TMEM39B: variants seen among roughly 807,000 people sequenced by gnomAD.
The protein encoded by TMEM39B is transmembrane protein 39B.
TMEM39B carries 23 observed loss-of-function variants against 52.2 expected under a neutral mutation model. The ratio of observed to expected loss-of-function variants is 0.44; its 90% confidence interval spans 0.32 to 0.62. The LOEUF (loss-of-function observed/expected upper bound fraction) is 0.62, where lower values mean the gene tolerates loss of function less well. Among genes scored for constraint, TMEM39B ranks in the 20% least tolerant of loss-of-function variants. The pLI is 0.06. For missense variants in TMEM39B, 547 were observed against 642.0 expected, an observed-to-expected ratio of 0.85 and a Z score of 1.60; for synonymous variants, 285 against 264.0, an observed-to-expected ratio of 1.08 and a Z score of -0.77.
intron 1 of TMEM39B, chr1:32,073,282 C>T (rs925130581): frequency 2.7e-5 from 14 of 528,188 alleles, no homozygotes; most frequent in African/African-American, 4.0e-5. Context: ...CCTGTGGGGG[C>T]TTGGGCTTTC....
intron 6 of TMEM39B, 72 bp from the exon 7 acceptor site, chr1:32,094,712 A>G: frequency 6.5e-7 from 1 of 1,540,406 alleles, no homozygotes. Context: ...TCAGTCAGGT[A>G]GAATCAGGGA....
chr1:32,078,813 G>C (rs1207183186), intron 5 of TMEM39B, among the ~76,000 whole-genome samples: 1 of 152,014 alleles, frequency 6.6e-6, no homozygotes, highest in Non-Finnish European at 1.5e-5. Context: ...GCTACTTTTT[G>C]TATTTTTAGT....
At chr1:32,090,500 G>T (rs112336302) in intron 5 of TMEM39B, among the ~76,000 whole-genome samples, 44 of 152,164 alleles carry the variant, frequency 2.9e-4, no homozygotes, top group Non-Finnish European at 5.3e-4. Flanking sequence ...TGCCCGGCCA[G>T]AGTGCAGTGG....
At chr1:32,095,258 C>T (rs1640770831) in intron 7 of TMEM39B, among the ~76,000 whole-genome samples, 2 of 152,182 alleles carry the variant, frequency 1.3e-5, no homozygotes, top group South Asian at 4.1e-4. Flanking sequence ...CTTACTTGCT[C>T]ATGCTTCACT....
chr1:32,096,420 G>A (rs1294028426), intron 7 of TMEM39B, among the ~76,000 whole-genome samples: 1 of 146,020 alleles, frequency 6.8e-6, no homozygotes, highest in African/African-American at 2.6e-5. Context: ...CAGGGCCCTT[G>A]CCTGTCTAGC....
In TMEM39B at chr1:32,098,814, C is replaced by T. The variant is rs574838103; in HGVS notation, c.1116-1628C>T. On this transcript the variant is annotated intron_variant, in intron 7 of 8. Coordinates refer to ENST00000336294, the MANE Select transcript of TMEM39B (RefSeq NM_018056.4). Reference sequence around the variant, plus strand: ...TAGGGCCTCTCTGTGCCAGGCCTTGCGGCATGCTCTGAGGACACAGGGATG... The same window carrying T: ...TAGGGCCTCTCTGTGCCAGGCCTTGTGGCATGCTCTGAGGACACAGGGATG... 7.2e-5 allele frequency among the ~76,000 whole-genome samples: 11 copies of T among 152,204 alleles called. No homozygotes were observed. In the South Asian group the frequency reaches 2.1e-3, roughly 29 times the overall value.
chr1:32,097,131 T>C (rs1006110425), intron 7 of TMEM39B, among the ~76,000 whole-genome samples: 9 of 152,070 alleles, frequency 5.9e-5, no homozygotes, highest in African/African-American at 1.7e-4. Context: ...TACAATTCTT[T>C]CAGTTTTGAT....
chr1:32,094,808 T>C lies in TMEM39B; in HGVS notation c.952T>C (p.Trp318Arg), dbSNP rs1395117042. ...GAACACACATTACTATGACAAGCGC[T>C]GGTCCTGTGAACTCTTCCTGCTGGT... ...VKNTHYYDKR[W>R]SCELFLLVSI... is the part of the protein sequence containing the mutation. The change falls in exon 7 of 9, where the codon TGG becomes CGG. Residue 318 changes from tryptophan to arginine, a missense_variant. Trp to Arg is a moderately radical substitution (Grantham distance 101). Coordinates refer to ENST00000336294, the MANE Select transcript of TMEM39B (RefSeq NM_018056.4). 6.2e-7 allele frequency: 1 copy of C among 1,614,240 alleles called. No individual in the cohort carries two copies. The highest frequency in any genetic ancestry group is 8.5e-7 in the Non-Finnish European group (1 of 1,180,046).
rs769437601 is a variant in TMEM39B at position 32,091,983 on chromosome 1, T to C, written c.899T>C (p.Val300Ala). 3 of 1,614,008 alleles carry C rather than the reference T, an allele frequency of 1.9e-6. No individual in the cohort carries two copies. Among genetic ancestry groups the C allele is most frequent in the African/African-American group, 1.3e-5 (1 of 74,936 alleles). The change falls in exon 6 of 9, where the codon GTG (valine) becomes GCG (alanine). Residue 300 changes from valine to alanine, a missense_variant. Physicochemically the swap from Val to Ala is moderately conservative, Grantham distance 64. Transcript: ENST00000336294. ...LVSSMLSAYY[V>A]AFVPVWFVKN... ...AGCTCCATGCTGAGCGCCTACTATG[T>C]GGCCTTTGTGCCTGTCTGGTTCGTG...
In TMEM39B at chr1:32,091,906, G is replaced by A. The variant is rs1640623314; in HGVS notation, c.822G>A (p.Glu274=). 4 of 1,614,238 alleles carry A rather than the reference G, an allele frequency of 2.5e-6. No homozygotes were observed. Among genetic ancestry groups the A allele is most frequent in the Non-Finnish European group, 3.4e-6 (4 of 1,180,040 alleles). ...TGTCACCCAGCCTCATCCGCAGTGAGGTGGAGTTCCTCAAGATGGACTTCA... is the reference window on the plus strand; with the variant it reads ...TGTCACCCAGCCTCATCCGCAGTGAAGTGGAGTTCCTCAAGATGGACTTCA... ...CCLSPSLIRS[E]VEFLKMDFNW... is the part of the protein sequence containing the mutation. The change falls in exon 6 of 9, where the codon GAG becomes GAA. Residue 274 remains glutamate (E), a synonymous_variant. Coordinates refer to ENST00000336294, the MANE Select transcript of TMEM39B (RefSeq NM_018056.4).
intron 5 of TMEM39B, among the ~76,000 whole-genome samples, chr1:32,091,043 A>C (rs1640584036): frequency 6.6e-6 from 1 of 152,028 alleles, no homozygotes; most frequent in Admixed American, 6.6e-5. Flanking sequence ...CCACGTCGGC[A>C]TCCCAAAGTG....
At position 32,100,442 on chromosome 1, in the gene TMEM39B, G is replaced by C. The variant is rs1321297484; in HGVS notation, c.1116G>C (p.Pro372=). 1 of 1,588,418 alleles carries C rather than the reference G, an allele frequency of 6.3e-7. No individual in the cohort carries two copies. The highest frequency in any genetic ancestry group is 8.6e-7 in the Non-Finnish European group (1 of 1,167,544). ...GGGCACCATTGAACTGTGCCCCCAG[G>C]TGGACTGAAGAATGCATGTGGCCGC... The part of the protein sequence containing the change: ...PALCSNVLQH[P]WTEECMWPQG... The change falls in exon 8 of 9, where the codon CCG becomes CCC. Residue 372 remains proline (P), a splice_region_variant and synonymous_variant. Coordinates refer to ENST00000336294, the MANE Select transcript of TMEM39B (RefSeq NM_018056.4).
In TMEM39B at chr1:32,091,941, T is replaced by G; in HGVS notation, c.857T>G (p.Met286Arg). The change falls in exon 6 of 9, where the codon ATG becomes AGG. Residue 286 changes from methionine (M) to arginine (R), a missense_variant. Met to Arg is a moderately conservative substitution (Grantham distance 91). Coordinates refer to ENST00000336294, the MANE Select transcript of TMEM39B (RefSeq NM_018056.4). The part of the protein sequence containing the change: ...EFLKMDFNWR[M>R]KEVLVSSMLS... ...CTCAAGATGGACTTCAACTGGCGCA[T>G]GAAGGAAGTGCTCGTCAGCTCCATG... The G allele has an allele frequency of 6.2e-7, 1 of 1,614,146 alleles. No individual in the cohort carries two copies. Among genetic ancestry groups the G allele is most frequent in the Non-Finnish European group, 8.5e-7 (1 of 1,180,004 alleles).
At chr1:32,089,322 A>G (rs573641626) in intron 5 of TMEM39B, among the ~76,000 whole-genome samples, 13 of 151,816 alleles carry the variant, frequency 8.6e-5, no homozygotes, top group African/African-American at 2.7e-4. Context: ...TGTAGAGACA[A>G]GGGTTTCGCC....
chr1:32,088,445 C>T (rs539916738), intron 5 of TMEM39B, among the ~76,000 whole-genome samples: 1 of 152,084 alleles, frequency 6.6e-6, no homozygotes, highest in South Asian at 2.1e-4. Flanking sequence ...AATTATGTGA[C>T]TCATCTTTCT....
At chr1:32,091,402 G>A (rs1048854473) in intron 5 of TMEM39B, among the ~76,000 whole-genome samples, 1 of 152,234 alleles carries the variant, frequency 6.6e-6, no homozygotes, top group African/African-American at 2.4e-5. Flanking sequence ...CCTAGGCTGC[G>A]AGTGCAGGGA....
At chr1:32,101,962 G>A (rs895749767) in intron 8 of TMEM39B, among the ~76,000 whole-genome samples, 2 of 152,084 alleles carry the variant, frequency 1.3e-5, no homozygotes, top group Non-Finnish European at 2.9e-5. Flanking sequence ...AGGCTGTAGA[G>A]TCTGTAATAA....
In TMEM39B at chr1:32,075,050, C is replaced by G. The variant is rs563024005; in HGVS notation, c.104C>G (p.Ser35Trp). Reference protein sequence around the residue: ...GSSGSHTSSASVTSVRSRTRS... With the variant: ...GSSGSHTSSAWVTSVRSRTRS... ...AGTGGAAGCCACACTTCCAGTGCAT[C>G]GGTGACCAGTGTTCGTTCCCGCACC... is the stretch of plus-strand genomic sequence containing the variant. The change falls in exon 2 of 9, where the codon TCG becomes TGG. Residue 35 changes from serine (S) to tryptophan (W), a missense_variant. Transcript: ENST00000336294. 6.4e-7 allele frequency: 1 copy of G among 1,551,346 alleles called. No homozygotes were observed. Among genetic ancestry groups the G allele is most frequent in the South Asian group, 1.2e-5 (1 of 84,004 alleles).
intron 5 of TMEM39B, among the ~76,000 whole-genome samples, chr1:32,082,783 G>GT (rs1011913627): frequency 5.5e-4 from 78 of 141,540 alleles, no homozygotes; most frequent in Middle Eastern, 4.3e-3. Context: ...TTTGTTTTTT[G>GT]TTTTTTTTTG....
Sources: gnomAD v4.1 joint callset for allele counts (sites outside exome capture counted in the v4.1 genomes callset) on GRCh38, gnomAD v4.1.1 for gene constraint, MANE v1.5 for transcripts, NCBI Gene and HGNC (gene_info 2026-07-23, HGNC 2026-07-21) for gene names.